The following SLC60A1 variants were observed in gnomAD, a reference collection of about 807,000 sequenced individuals.
SLC60A1 encodes the protein major facilitator superfamily domain containing 4.
At chr1:205,596,139 TA>T in the SLC60A1 span, among the ~76,000 whole-genome samples, 3 of 151,136 alleles carry the variant, frequency 2.0e-5, no homozygotes, top group African/African-American at 7.3e-5. Flanking sequence ...ACCATTTTAT[TA>T]AAAAAAAATA....
the SLC60A1 span, among the ~76,000 whole-genome samples, chr1:205,594,197 C>T: frequency 6.4e-3 from 980 of 152,366 alleles, 10 homozygotes; most frequent in African/African-American, 0.022. Context: ...GACAGCCACG[C>T]ACCCAGCTCC....
the SLC60A1 span, among the ~76,000 whole-genome samples, chr1:205,571,900 G>C: frequency 6.6e-6 from 1 of 152,186 alleles, no homozygotes; most frequent in Non-Finnish European, 1.5e-5. Flanking sequence ...CAGCTGTTGC[G>C]GGGGAGTGGG....
chr1:205,584,824 G>T, the SLC60A1 span: 1 of 1,542,790 alleles, frequency 6.5e-7, no homozygotes, highest in South Asian at 1.1e-5. Context: ...GACATGCAGA[G>T]GGAGGGAGCA....
At chr1:205,591,686 G>A in the SLC60A1 span, among the ~76,000 whole-genome samples, 1,744 of 152,164 alleles carry the variant, frequency 0.011, 12 homozygotes, top group Middle Eastern at 0.024. Flanking sequence ...GCTATCTGAT[G>A]GCTTCCTGTC....
At chr1:205,588,450 A>G in the SLC60A1 span, among the ~76,000 whole-genome samples, 1 of 144,988 alleles carries the variant, frequency 6.9e-6, no homozygotes, top group Non-Finnish European at 1.5e-5. Flanking sequence ...AGCCTGAGAG[A>G]CAGAGCAAGA....
the SLC60A1 span, chr1:205,598,903 G>A: frequency 1.7e-6 from 1 of 571,438 alleles, no homozygotes; most frequent in Admixed American, 3.2e-5. Context: ...GGGACTGCAG[G>A]GGGTCACCAG....
At chr1:205,572,407 G>C in the SLC60A1 span, among the ~76,000 whole-genome samples, 13 of 152,004 alleles carry the variant, frequency 8.6e-5, no homozygotes, top group African/African-American at 3.1e-4. Context: ...CTTAACAGAG[G>C]GTTTGTCAGA....
chr1:205,599,377 G>A, the SLC60A1 span: 10 of 1,204,238 alleles, frequency 8.3e-6, no homozygotes, highest in South Asian at 1.6e-5. Flanking sequence ...TAAAATGCAA[G>A]GAAATGTTTA....
the SLC60A1 span, chr1:205,586,034 G>A: frequency 6.3e-7 from 1 of 1,594,356 alleles, no homozygotes; most frequent in African/African-American, 1.4e-5. Context: ...CTCTCCACAG[G>A]GTGCCTATTC....
the SLC60A1 span, among the ~76,000 whole-genome samples, chr1:205,582,299 G>C: frequency 1.3e-5 from 2 of 152,208 alleles, no homozygotes; most frequent in Non-Finnish European, 2.9e-5. Flanking sequence ...AGGCTGGAGG[G>C]ACTTTGTTTG....
chr1:205,589,690 G>A, the SLC60A1 span, among the ~76,000 whole-genome samples: 36 of 152,010 alleles, frequency 2.4e-4, no homozygotes, highest in African/African-American at 6.5e-4. Context: ...GGGCCCAAGC[G>A]ATCCTTCCTG....
the SLC60A1 span, chr1:205,598,488 G>C: frequency 6.5e-6 from 1 of 153,098 alleles, no homozygotes; most frequent in Admixed American, 6.5e-5. Context: ...AACTGACAGA[G>C]AGGACCTCAC....
chr1:205,570,759 T>C, the SLC60A1 span, among the ~76,000 whole-genome samples: 1 of 152,238 alleles, frequency 6.6e-6, no homozygotes, highest in Non-Finnish European at 1.5e-5. Context: ...GAGGTTTAAT[T>C]AGAAACTAAG....
the SLC60A1 span, among the ~76,000 whole-genome samples, chr1:205,587,908 GT>G: frequency 1.3e-5 from 2 of 152,154 alleles, no homozygotes; most frequent in Non-Finnish European, 2.9e-5. Flanking sequence ...GGAAATCTGG[GT>G]TTGGGAAAAT....
At chr1:205,584,808 C>T in the SLC60A1 span, 1 of 1,439,926 alleles carries the variant, frequency 6.9e-7, no homozygotes, top group Non-Finnish European at 9.8e-7. Flanking sequence ...CCAGCCACGG[C>T]CCTGGGACAT....
the SLC60A1 span, among the ~76,000 whole-genome samples, chr1:205,589,041 A>G: frequency 3.9e-5 from 6 of 152,226 alleles, no homozygotes; most frequent in Non-Finnish European, 7.3e-5. Flanking sequence ...CAAGGCTAAA[A>G]TAAGACTCGG....
the SLC60A1 span, chr1:205,580,796 A>G: frequency 6.2e-7 from 1 of 1,613,936 alleles, no homozygotes; most frequent in African/African-American, 1.3e-5. This position sits in a 1 kb window ranked among gnomAD's most constrained non-coding sequence, Gnocchi z 5.0. Context: ...CCATGTCTCC[A>G]GGGTGCTGGG....
At chr1:205,582,948 G>A in the SLC60A1 span, among the ~76,000 whole-genome samples, 1 of 152,170 alleles carries the variant, frequency 6.6e-6, no homozygotes, top group African/African-American at 2.4e-5. Flanking sequence ...CAGTCTGCCA[G>A]CCTTCCATCT....
chr1:205,592,359 C>T, the SLC60A1 span: 8 of 1,348,362 alleles, frequency 5.9e-6, no homozygotes, highest in Non-Finnish European at 7.8e-6. Context: ...TGCCCTGTCT[C>T]TCTGTGCTCT....
Sources: gnomAD v4.1 joint callset for allele counts (sites outside exome capture counted in the v4.1 genomes callset) on GRCh38, gnomAD v4.1.1 for gene constraint, Gnocchi (gnomAD v3.1) non-coding constraint, MANE v1.5 for transcripts, NCBI Gene and HGNC (gene_info 2026-07-23, HGNC 2026-07-21) for gene names.